The following CWF19L2 variants were observed in gnomAD, a reference collection of about 807,000 sequenced individuals.
The protein encoded by CWF19L2 is CWF19-like protein 2.
CWF19L2 carries 98 observed loss-of-function variants against 111.7 expected under a neutral mutation model. The ratio of observed to expected loss-of-function variants is 0.88; its 90% CI spans 0.75 to 1.04. The LOEUF (loss-of-function observed/expected upper bound fraction) is 1.04. Ranked by LOEUF, CWF19L2 falls within the 50% of genes least tolerant of loss-of-function variation. The probability of loss-of-function intolerance (pLI) is 0.00; values close to 1 mark genes in which losing one functional copy is unlikely to be tolerated. For synonymous variants in CWF19L2, 351 were observed against 342.9 expected (o/e 1.02, Z -0.26); for missense variants, 1,101 against 1,051.4 (o/e 1.05, Z -0.65).
intron 10 of CWF19L2, chr11:107,404,497 G>T: frequency 1.4e-6 from 1 of 738,918 alleles, no homozygotes. Context: ...CGAGATGACT[G>T]TATGGACTGT....
Position 107,455,706 on chromosome 11 carries a change from A to C in CWF19L2, c.176T>G (p.Met59Arg). The change falls in exon 2 of 18, where the codon ATG becomes AGG. Residue 59 changes from methionine to arginine, a missense_variant. Met to Arg is a moderately conservative substitution (Grantham distance 91). Transcript: ENST00000282251. ...LKRLRGEDTW[M>R]LPDVNERIEQ... ...AATTCTCTCATTCACATCAGGTAGC[A>C]TCCATGTATCCTCACCCCGAAGTCG... 1 of 1,551,252 alleles carries C rather than the reference A, an allele frequency of 6.4e-7. No individual in the cohort carries two copies. The highest frequency in any genetic ancestry group is 8.7e-7 in the Non-Finnish European group (1 of 1,146,698).
chr11:107,426,082 A>G (rs1861371883), intron 8 of CWF19L2, among the ~76,000 whole-genome samples: 1 of 151,902 alleles, frequency 6.6e-6, no homozygotes, highest in African/African-American at 2.4e-5. Flanking sequence ...AAATTTGAAC[A>G]CATTAAAGAA....
chr11:107,387,892 G>C (rs998876035), intron 12 of CWF19L2, among the ~76,000 whole-genome samples: 2 of 152,238 alleles, frequency 1.3e-5, no homozygotes, highest in African/African-American at 4.8e-5. Context: ...CAGGGATATG[G>C]GCCCCCTGCC....
At position 107,399,321 on chromosome 11, in the gene CWF19L2, A is replaced by G. The variant is rs1014437608; in HGVS notation, c.1618-6426T>C. Among the ~76,000 whole-genome samples, 13 of 152,326 alleles carry G rather than the reference A, an allele frequency of 8.5e-5. 1 individual carries two copies. The highest frequency in any genetic ancestry group is 2.9e-4 in the African/African-American group (12 of 41,574). On this transcript the variant is annotated intron_variant, in intron 10 of 17. Transcript: ENST00000282251. ...CACCAACCAACTATGTGCCACCTTC[A>G]GGAAACTCACCTAACACATAAGGAC...
chr11:107,379,828 G>C (rs1232967848), intron 12 of CWF19L2, among the ~76,000 whole-genome samples: 5 of 151,886 alleles, frequency 3.3e-5, no homozygotes, highest in Admixed American at 2.6e-4. Context: ...GGGAGGCCGA[G>C]GCAGGTGGAT....
intron 8 of CWF19L2, among the ~76,000 whole-genome samples, chr11:107,427,467 G>C (rs954325010): frequency 6.6e-6 from 1 of 152,040 alleles, no homozygotes; most frequent in African/African-American, 2.4e-5. Context: ...GTATTATAGT[G>C]TATCTATCAG....
chr11:107,389,544 T>A (rs1860817981), intron 12 of CWF19L2, among the ~76,000 whole-genome samples: 1 of 152,158 alleles, frequency 6.6e-6, no homozygotes, highest in African/African-American at 2.4e-5. Flanking sequence ...TGGAAGAAAC[T>A]GCAACAAAGA....
At chr11:107,362,373 G>A (rs1269863514) in intron 12 of CWF19L2, among the ~76,000 whole-genome samples, 2 of 151,920 alleles carry the variant, frequency 1.3e-5, no homozygotes, top group Admixed American at 1.3e-4. Context: ...TGGGGGCAGG[G>A]CACAAACAAA....
chr11:107,454,966 T>TA (rs1861833225), intron 2 of CWF19L2, among the ~76,000 whole-genome samples: 1 of 151,940 alleles, frequency 6.6e-6, no homozygotes, highest in African/African-American at 2.4e-5. Flanking sequence ...TATTAGGCCA[T>TA]AAAAAATATA....
chr11:107,411,340 G>A (rs1861154902), intron 10 of CWF19L2, among the ~76,000 whole-genome samples: 1 of 152,038 alleles, frequency 6.6e-6, no homozygotes, highest in African/African-American at 2.4e-5. Flanking sequence ...TTAAGTAAAA[G>A]TATAGTAATA....
chr11:107,434,426 T>C (rs973286936), intron 6 of CWF19L2, among the ~76,000 whole-genome samples: 4 of 146,402 alleles, frequency 2.7e-5, no homozygotes, highest in Non-Finnish European at 6.2e-5. Flanking sequence ...GGAAATCAAA[T>C]CAATTACTTA....
At chr11:107,420,573 T>TC (rs201970827) in intron 8 of CWF19L2, among the ~76,000 whole-genome samples, 44 of 151,270 alleles carry the variant, frequency 2.9e-4, no homozygotes, top group African/African-American at 7.8e-4. Context: ...AATATAATAG[T>TC]CCCCCCCCTT....
At position 107,420,461 on chromosome 11, in the gene CWF19L2, G is replaced by C. The variant is rs531152668; in HGVS notation, c.1434-2174C>G. 9.5e-4 allele frequency among the ~76,000 whole-genome samples: 144 copies of C among 152,194 alleles called. 5 individuals are homozygous for C. The South Asian group carries it at 0.029, about 31-fold the overall frequency. On this transcript the variant is annotated intron_variant, in intron 8 of 17. Coordinates refer to ENST00000282251, the MANE Select transcript of CWF19L2 (RefSeq NM_152434.3). Reference sequence around the variant, plus strand: ...TATGAAAAAGGAGTCAATCCAGCAAGAGCGTTTGAATACATGAGCAAAAAC... The same window carrying C: ...TATGAAAAAGGAGTCAATCCAGCAACAGCGTTTGAATACATGAGCAAAAAC...
At chr11:107,396,395 TTTAA>T (rs1385546576) in intron 10 of CWF19L2, among the ~76,000 whole-genome samples, 1 of 152,192 alleles carries the variant, frequency 6.6e-6, no homozygotes, top group African/African-American at 2.4e-5. Flanking sequence ...ATAAGGACAC[TTTAA>T]TTAACAAATC....
intron 14 of CWF19L2, among the ~76,000 whole-genome samples, chr11:107,344,298 CTCT>C (rs1302765963): frequency 1.3e-5 from 2 of 152,174 alleles, no homozygotes; most frequent in Non-Finnish European, 2.9e-5. Flanking sequence ...CTGGCTTCTC[CTCT>C]TCTTTAGTCA....
chr11:107,333,896 A>G (rs925007810), intron 16 of CWF19L2, among the ~76,000 whole-genome samples: 5 of 152,330 alleles, frequency 3.3e-5, no homozygotes, highest in Admixed American at 1.3e-4. Context: ...GGACCACATA[A>G]TAAAATACTT....
intron 7 of CWF19L2, among the ~76,000 whole-genome samples, chr11:107,433,352 C>T (rs1368606963): frequency 6.6e-6 from 1 of 152,042 alleles, no homozygotes; most frequent in Non-Finnish European, 1.5e-5. Flanking sequence ...CAGAAGTGTA[C>T]CATGCAGACT....
chr11:107,353,767 T>C (rs752491052), intron 12 of CWF19L2, 31 bp from the exon 13 acceptor site: 2 of 1,563,790 alleles, frequency 1.3e-6, no homozygotes, highest in African/African-American at 2.7e-5. Context: ...TAATAGAGAG[T>C]AGAAGGTAGT....
intron 4 of CWF19L2, among the ~76,000 whole-genome samples, chr11:107,442,621 G>A (rs1861633717): frequency 6.6e-6 from 1 of 151,350 alleles, no homozygotes; most frequent in Non-Finnish European, 1.5e-5. Flanking sequence ...GAGGTCGAGG[G>A]TGCAGAGAGC....
Sources: allele counts gnomAD v4.1 joint callset (sites outside exome capture counted in the v4.1 genomes callset), GRCh38; gene constraint gnomAD v4.1.1; transcripts MANE v1.5; gene names NCBI Gene and HGNC (gene_info 2026-07-23, HGNC 2026-07-21).